The following DSCAM variants were observed in gnomAD, a reference collection of about 807,000 sequenced individuals.
DSCAM encodes cell adhesion molecule DSCAM.
Under a neutral mutation model 217.7 loss-of-function variants are expected in DSCAM, and 47 were observed. The observed-to-expected ratio is 0.22, with a 90% CI of 0.17 to 0.28. The LOEUF (loss-of-function observed/expected upper bound fraction) is 0.28. DSCAM is among the 10% of genes least tolerant of loss of function. DSCAM has a pLI of 1.00. For missense variants in DSCAM, 2,080 were observed against 2,618.3 expected, an observed-to-expected ratio of 0.79 and a Z score of 4.49; for synonymous variants, 1,056 against 1,015.3, an observed-to-expected ratio of 1.04 and a Z score of -0.76.
At chr21:40,835,833 T>C (rs2092051631) in intron 1 of DSCAM, among the ~76,000 whole-genome samples, 1 of 152,242 alleles carries the variant, frequency 6.6e-6, no homozygotes, top group African/African-American at 2.4e-5. Flanking sequence ...CTCTATTTTG[T>C]CATATATGTA....
intron 3 of DSCAM, among the ~76,000 whole-genome samples, chr21:40,598,257 T>A (rs867777010): frequency 6.6e-6 from 1 of 152,312 alleles, no homozygotes; most frequent in Middle Eastern, 3.4e-3. Context: ...TTAAGGTGCT[T>A]CCTGATCTTT....
chr21:40,557,163 TACTA>T (rs2076679009), intron 3 of DSCAM, among the ~76,000 whole-genome samples: 1 of 152,060 alleles, frequency 6.6e-6, no homozygotes, highest in Non-Finnish European at 1.5e-5. Flanking sequence ...CCAAAACCCA[TACTA>T]AAATTTTATC....
intron 3 of DSCAM, among the ~76,000 whole-genome samples, chr21:40,418,160 C>T (rs1209482719): frequency 6.6e-6 from 1 of 152,032 alleles, no homozygotes; most frequent in Non-Finnish European, 1.5e-5. Context: ...GATTTCAATG[C>T]CATCCATTGA....
intron 3 of DSCAM, among the ~76,000 whole-genome samples, chr21:40,608,793 G>A (rs1397665792): frequency 6.6e-6 from 1 of 152,072 alleles, no homozygotes; most frequent in Admixed American, 6.6e-5. Flanking sequence ...TACTCTTAAA[G>A]GATACAACAA....
At chr21:40,098,926 T>C (rs2089716460) in intron 20 of DSCAM, among the ~76,000 whole-genome samples, 1 of 152,094 alleles carries the variant, frequency 6.6e-6, no homozygotes, top group African/African-American at 2.4e-5. Context: ...ATGGGAAAAT[T>C]AGTCCCTCTA....
At chr21:40,235,382 G>A (rs2091418603) in intron 11 of DSCAM, among the ~76,000 whole-genome samples, 1 of 152,138 alleles carries the variant, frequency 6.6e-6, no homozygotes, top group Admixed American at 6.6e-5. Context: ...AAAATATGGA[G>A]GCATTTATTT....
chr21:40,207,089 T>C (rs1296228802), intron 11 of DSCAM, among the ~76,000 whole-genome samples: 2 of 151,960 alleles, frequency 1.3e-5, no homozygotes, highest in African/African-American at 4.8e-5. Flanking sequence ...CAAATAAATA[T>C]GGAAAACAAA....
intron 8 of DSCAM, among the ~76,000 whole-genome samples, chr21:40,317,578 G>A (rs1368981254): frequency 6.6e-6 from 1 of 151,966 alleles, no homozygotes; most frequent in East Asian, 1.9e-4. Context: ...TGCCTAGGCT[G>A]GAGTTCAGTG....
At chr21:40,124,394 C>G (rs2090071784) in intron 19 of DSCAM, 66 bp from the exon 20 acceptor site, 3 of 1,593,658 alleles carry the variant, frequency 1.9e-6, no homozygotes, top group Non-Finnish European at 2.6e-6. Context: ...CCACGCTTCC[C>G]AACATGACCC....
intron 3 of DSCAM, chr21:40,384,763 G>C (rs2075065895): frequency 6.6e-6 from 1 of 152,204 alleles, no homozygotes; most frequent in Admixed American, 6.6e-5. Flanking sequence ...CTCCTCTAGG[G>C]AAGTTCTGGT....
At chr21:40,746,227 T>G (rs1339542335) in intron 1 of DSCAM, among the ~76,000 whole-genome samples, 1 of 151,550 alleles carries the variant, frequency 6.6e-6, no homozygotes, top group Non-Finnish European at 1.5e-5. Context: ...TAAATGCAAA[T>G]GAATTAAAAT....
intron 3 of DSCAM, among the ~76,000 whole-genome samples, chr21:40,570,469 G>T (rs2076797717): frequency 6.6e-6 from 1 of 152,150 alleles, no homozygotes. Flanking sequence ...ACTTCAATCT[G>T]CACACAATGT....
intron 6 of DSCAM, 84 bp downstream of exon 6, chr21:40,347,586 A>AC: frequency 6.4e-7 from 1 of 1,569,550 alleles, no homozygotes; most frequent in Non-Finnish European, 8.7e-7. Context: ...AGCGATCAGC[A>AC]CTGCTTCACC....
intron 3 of DSCAM, among the ~76,000 whole-genome samples, chr21:40,389,750 C>T (rs2075117460): frequency 6.6e-6 from 1 of 152,154 alleles, no homozygotes; most frequent in African/African-American, 2.4e-5. Flanking sequence ...TTCATGTACA[C>T]TGGCCGACTT....
At chr21:40,571,320 A>G (rs917336419) in intron 3 of DSCAM, among the ~76,000 whole-genome samples, 1 of 152,196 alleles carries the variant, frequency 6.6e-6, no homozygotes, top group African/African-American at 2.4e-5. Flanking sequence ...TTCTTCTCAT[A>G]AATAAAATAT....
rs149107506 is a variant in DSCAM at position 40,641,949 on chromosome 21, G to A, written c.508+50861C>T. Among the ~76,000 whole-genome samples, 1,224 of 151,262 alleles carry A rather than the reference G, an allele frequency of 8.1e-3. 24 individuals carry two copies. The highest frequency in any genetic ancestry group is 0.028 in the African/African-American group (1,161 of 41,250). On this transcript the variant is annotated intron_variant, in intron 3 of 32. Coordinates refer to ENST00000400454, the MANE Select transcript of DSCAM (RefSeq NM_001389.5). ...TGTAATCCCAGCTACTCGGTAGACC[G>A]AGGCAGGAGAATTGTTTGAACCCGG...
chr21:40,453,662 A>G (rs949991614), intron 3 of DSCAM, among the ~76,000 whole-genome samples: 1 of 152,246 alleles, frequency 6.6e-6, no homozygotes, highest in Non-Finnish European at 1.5e-5. Context: ...AGAGATAAAC[A>G]AAAGTAGAAC....
chr21:40,226,093 C>T (rs2146913360), intron 11 of DSCAM, among the ~76,000 whole-genome samples: 1 of 152,206 alleles, frequency 6.6e-6, no homozygotes, highest in Non-Finnish European at 1.5e-5. Context: ...TCTTATGATC[C>T]CTGTTGTACA....
rs572478511 is a variant in DSCAM, at chr21:40,167,311, G to A, written c.2948-23C>T. 1.0e-4 allele frequency: 164 copies of A among 1,612,818 alleles called. 1 individual carries two copies. In the South Asian group the frequency reaches 1.7e-3, roughly 16 times the overall value. ...GAGCTGTAAGGACCAAAAACCCACAGGCAGGTTAGAGACGCTTTCCGGAGC... is the reference window on the plus strand; with the variant it reads ...GAGCTGTAAGGACCAAAAACCCACAAGCAGGTTAGAGACGCTTTCCGGAGC... On this transcript the variant is annotated intron_variant, in intron 15 of 32. Transcript: ENST00000400454.
Sources: gnomAD v4.1 joint callset for allele counts (sites outside exome capture counted in the v4.1 genomes callset) on GRCh38, gnomAD v4.1.1 for gene constraint, MANE v1.5 for transcripts, NCBI Gene and HGNC (gene_info 2026-07-23, HGNC 2026-07-21) for gene names.